Variants in FGD4 observed in about 807,000 individuals in gnomAD.
FGD4 encodes FYVE, RhoGEF and PH domain containing 4.
A neutral mutation model predicts 102.0 loss-of-function variants in FGD4; 42 were observed. That is an observed-to-expected ratio of 0.41 (90% CI 0.32 to 0.53). FGD4 has a LOEUF of 0.53. Among genes scored for constraint, FGD4 ranks in the 20% least tolerant of loss-of-function variants. The pLI is 0.21. For synonymous variants in FGD4, 380 were observed against 375.7 expected (o/e 1.01, Z -0.13); for missense variants, 902 against 1,078.2 (o/e 0.84, Z 2.29).
chr12:32,627,456 A>G (rs1950252381), intron 14 of FGD4, among the ~76,000 whole-genome samples: 1 of 152,020 alleles, frequency 6.6e-6, no homozygotes, highest in Admixed American at 6.6e-5. Context: ...ACCTGGCCCC[A>G]TTTTGATGCA....
At chr12:32,536,863 C>T (rs576553671) in intron 1 of FGD4, among the ~76,000 whole-genome samples, 1 of 152,154 alleles carries the variant, frequency 6.6e-6, no homozygotes, top group South Asian at 2.1e-4. Context: ...AAGACTGTGT[C>T]ACTGTGGTCT....
At chr12:32,635,915 G>A (rs1592497817) in intron 15 of FGD4, among the ~76,000 whole-genome samples, 1 of 151,902 alleles carries the variant, frequency 6.6e-6, no homozygotes, top group African/African-American at 2.4e-5. Flanking sequence ...GGGAGGCTGA[G>A]GCAGGAGAAT....
At chr12:32,451,403 T>C (rs1213044281) in intron 1 of FGD4, among the ~76,000 whole-genome samples, 4 of 152,212 alleles carry the variant, frequency 2.6e-5, no homozygotes, top group Non-Finnish European at 4.4e-5. Context: ...AAGTCCCATG[T>C]GTCTGCCTGT....
At chr12:32,566,907 G>C (rs1348372844) in intron 2 of FGD4, among the ~76,000 whole-genome samples, 5 of 152,202 alleles carry the variant, frequency 3.3e-5, no homozygotes, top group Non-Finnish European at 7.3e-5. Context: ...CCTAACAAGG[G>C]AAGTGGAGTC....
chr12:32,602,455 C>CTGCATA, intron 7 of FGD4, 138 bp downstream of exon 7: 9 of 941,690 alleles, frequency 9.6e-6, no homozygotes, highest in Non-Finnish European at 1.5e-5. Flanking sequence ...TTATGCAGAT[C>CTGCATA]ATCTCTGCAA....
chr12:32,593,064 TAC>T (rs1947609430), intron 4 of FGD4, among the ~76,000 whole-genome samples: 1 of 152,228 alleles, frequency 6.6e-6, no homozygotes, highest in South Asian at 2.1e-4. Context: ...GCCTATATGA[TAC>T]AGTTACTTTC....
intron 1 of FGD4, among the ~76,000 whole-genome samples, chr12:32,407,107 G>A (rs1940969499): frequency 6.9e-6 from 1 of 144,706 alleles, no homozygotes; most frequent in Admixed American, 7.0e-5. Flanking sequence ...CACCACGCCC[G>A]GCCAAGAAGC....
intron 1 of FGD4, among the ~76,000 whole-genome samples, chr12:32,482,960 TGTTGAG>T (rs1943804166): frequency 1.3e-5 from 2 of 152,206 alleles, no homozygotes; most frequent in Non-Finnish European, 2.9e-5. Context: ...AATGACTTTT[TGTTGAG>T]GTTGTTATGA....
At chr12:32,524,462 C>A (rs1592102572) in intron 1 of FGD4, among the ~76,000 whole-genome samples, 2 of 135,208 alleles carry the variant, frequency 1.5e-5, no homozygotes, top group African/African-American at 5.6e-5. Context: ...TGATAAGAAA[C>A]ATAACAAATT....
intron 1 of FGD4, among the ~76,000 whole-genome samples, chr12:32,503,618 G>GT (rs1322403144): frequency 1.3e-5 from 2 of 151,882 alleles, no homozygotes; most frequent in African/African-American, 4.8e-5. Flanking sequence ...CTTTTTAAAA[G>GT]TTTTTTTCTT....
intron 4 of FGD4, among the ~76,000 whole-genome samples, chr12:32,595,049 A>G (rs1191980666): frequency 6.6e-6 from 1 of 151,290 alleles, no homozygotes; most frequent in African/African-American, 2.4e-5. Flanking sequence ...AAAAAAAACA[A>G]CACAGCAAAA....
At chr12:32,476,652 G>A (rs1249833891) in intron 1 of FGD4, among the ~76,000 whole-genome samples, 1 of 152,178 alleles carries the variant, frequency 6.6e-6, no homozygotes, top group Non-Finnish European at 1.5e-5. Flanking sequence ...AGCTACTCAG[G>A]AAGCTGAAGT....
chr12:32,540,929 T>C (rs760811095), intron 1 of FGD4, among the ~76,000 whole-genome samples: 39 of 152,280 alleles, frequency 2.6e-4, no homozygotes, highest in Non-Finnish European at 5.3e-4. Flanking sequence ...TGCAGTTCCA[T>C]TAAAGGATTT....
At chr12:32,435,908 C>T (rs1252214406) in intron 1 of FGD4, among the ~76,000 whole-genome samples, 1 of 152,118 alleles carries the variant, frequency 6.6e-6, no homozygotes, top group East Asian at 1.9e-4. Flanking sequence ...CATAACTAAC[C>T]AATACTTTCG....
chr12:32,408,850 C>T (rs1408356082), intron 1 of FGD4, among the ~76,000 whole-genome samples: 4 of 152,092 alleles, frequency 2.6e-5, no homozygotes, highest in African/African-American at 9.7e-5. Flanking sequence ...CCTGAGATAT[C>T]TTGATTTTCC....
At chr12:32,577,892 C>T (rs1946259455) in intron 3 of FGD4, among the ~76,000 whole-genome samples, 1 of 152,152 alleles carries the variant, frequency 6.6e-6, no homozygotes, top group South Asian at 2.1e-4. Context: ...ATGTCAGAGC[C>T]TGCATCCCTA....
At chr12:32,443,638 A>T (rs927294142) in intron 1 of FGD4, among the ~76,000 whole-genome samples, 4 of 149,656 alleles carry the variant, frequency 2.7e-5, no homozygotes, top group Non-Finnish European at 5.9e-5. Context: ...TCCCAGGCTC[A>T]GGTGATCCTC....
intron 1 of FGD4, among the ~76,000 whole-genome samples, chr12:32,442,078 G>T (rs1295327027): frequency 6.7e-6 from 1 of 149,620 alleles, no homozygotes; most frequent in East Asian, 2.0e-4. Context: ...TTTGGAGACG[G>T]AGTCTCGCTG....
In FGD4 at chr12:32,608,022, C is replaced by T. The variant is rs16920084; in HGVS notation, c.1470C>T (p.Pro490=). The T allele has an allele frequency of 5.3e-3, 8,524 of 1,614,158 alleles. 429 individuals are homozygous for T. The African/African-American group carries it at 0.1, about 19-fold the overall frequency. Residue 490 remains proline (P), a synonymous_variant, in exon 8 of 17, where the codon CCC becomes CCT. Coordinates refer to ENST00000534526, the MANE Select transcript of FGD4 (RefSeq NM_001370298.3). ...HHMLEPVQRI[P]RYEMLLKDYL... ...TGCTAGAACCTGTTCAGCGGATTCCCCGGTATGAGATGCTCCTTAAGGACT... is the reference window on the plus strand; with the variant it reads ...TGCTAGAACCTGTTCAGCGGATTCCTCGGTATGAGATGCTCCTTAAGGACT...
Sources: allele counts gnomAD v4.1 joint callset (sites outside exome capture counted in the v4.1 genomes callset), GRCh38; gene constraint gnomAD v4.1.1; transcripts MANE v1.5; gene names NCBI Gene and HGNC (gene_info 2026-07-23, HGNC 2026-07-21).